Variants in MAMDC2 observed in about 807,000 individuals in gnomAD.
MAMDC2 encodes MAM domain-containing protein 2.
In MAMDC2, 57 loss-of-function variants were observed where a neutral mutation model predicts 89.8. The ratio of observed to expected loss-of-function variants is 0.63; its 90% confidence interval spans 0.51 to 0.79. MAMDC2 has a LOEUF of 0.79. MAMDC2 is among the 30% of genes least tolerant of loss of function. MAMDC2 has a pLI of 0.00. For synonymous variants in MAMDC2, 313 were observed against 293.4 expected (o/e 1.07, Z -0.68); for missense variants, 800 against 820.6 (o/e 0.97, Z 0.31).
chr9:70,178,620 T>C (rs1469288697), intron 11 of MAMDC2, among the ~76,000 whole-genome samples: 7 of 152,220 alleles, frequency 4.6e-5, no homozygotes, highest in Admixed American at 2.6e-4. Context: ...GCTACATGTA[T>C]ATAAGAATTA....
chr9:70,225,712 T>A, intron 12 of MAMDC2, 38 bp from the exon 13 acceptor site: 1 of 1,329,596 alleles, frequency 7.5e-7, no homozygotes, highest in South Asian at 1.2e-5. Flanking sequence ...GTAATCAGGA[T>A]GATTCTATTT....
At chr9:70,097,183 T>C (rs1208483795) in intron 2 of MAMDC2, among the ~76,000 whole-genome samples, 1 of 152,182 alleles carries the variant, frequency 6.6e-6, no homozygotes, top group Non-Finnish European at 1.5e-5. Flanking sequence ...TTCATCAAGA[T>C]CCCTTTATTA....
chr9:70,084,377 C>G (rs368117077), intron 2 of MAMDC2, among the ~76,000 whole-genome samples: 163 of 152,220 alleles, frequency 1.1e-3, no homozygotes, highest in Middle Eastern at 3.4e-3. Flanking sequence ...GTTTACAGCT[C>G]TATCTCCAGG....
chr9:70,209,057 G>A (rs1459865835), intron 11 of MAMDC2, among the ~76,000 whole-genome samples: 16 of 151,994 alleles, frequency 1.1e-4, no homozygotes, highest in African/African-American at 2.7e-4. Context: ...GGATTTTTGC[G>A]TCGATGTTCA....
intron 2 of MAMDC2, among the ~76,000 whole-genome samples, chr9:70,075,886 T>G (rs1306048957): frequency 1.3e-5 from 2 of 152,162 alleles, no homozygotes; most frequent in African/African-American, 4.8e-5. Context: ...AATCACTAAG[T>G]ACTGATGGAG....
At chr9:70,045,165 A>C (rs1826716520) in intron 2 of MAMDC2, among the ~76,000 whole-genome samples, 1 of 152,214 alleles carries the variant, frequency 6.6e-6, no homozygotes, top group Non-Finnish European at 1.5e-5. Flanking sequence ...CTAAGACATC[A>C]CGTCTGCCTT....
chr9:70,044,490 C>T (rs1826689241), intron 1 of MAMDC2, 94 bp from the exon 2 acceptor site: 1 of 1,050,356 alleles, frequency 9.5e-7, no homozygotes. Flanking sequence ...CTCGTCTTTC[C>T]CCCACTTTCA....
At chr9:70,199,367 A>G (rs1296265910) in intron 11 of MAMDC2, among the ~76,000 whole-genome samples, 1 of 147,434 alleles carries the variant, frequency 6.8e-6, no homozygotes, top group African/African-American at 2.5e-5. Flanking sequence ...ATGTCCCTAC[A>G]AAGGACATGA....
At chr9:70,120,379 A>G (rs1305661679) in intron 5 of MAMDC2, among the ~76,000 whole-genome samples, 2 of 152,320 alleles carry the variant, frequency 1.3e-5, no homozygotes, top group East Asian at 3.9e-4. Flanking sequence ...ATGAGGTTAC[A>G]TGGCAGTTTC....
chr9:70,142,250 G>T (rs372103054), intron 8 of MAMDC2, among the ~76,000 whole-genome samples: 4 of 152,136 alleles, frequency 2.6e-5, no homozygotes, highest in Non-Finnish European at 4.4e-5. Flanking sequence ...ATCTGTGAAG[G>T]CCTCGAATTT....
chr9:70,202,369 T>A (rs2033118776), intron 11 of MAMDC2, among the ~76,000 whole-genome samples: 2 of 152,178 alleles, frequency 1.3e-5, no homozygotes, highest in Admixed American at 1.3e-4. Context: ...CGGCTTTGAG[T>A]GGGATTCTTA....
At chr9:70,151,042 G>A (rs2031563794) in intron 9 of MAMDC2, among the ~76,000 whole-genome samples, 3 of 152,180 alleles carry the variant, frequency 2.0e-5, no homozygotes, top group African/African-American at 7.2e-5. Flanking sequence ...CATTCATAGA[G>A]TCCCACAGTC....
At chr9:70,168,303 C>A (rs1359317551) in intron 9 of MAMDC2, among the ~76,000 whole-genome samples, 1 of 152,100 alleles carries the variant, frequency 6.6e-6, no homozygotes, top group African/African-American at 2.4e-5. Flanking sequence ...ACCAGCCTGG[C>A]CAACATGGTG....
chr9:70,144,039 T>C (rs902123790), intron 9 of MAMDC2, among the ~76,000 whole-genome samples: 3 of 152,246 alleles, frequency 2.0e-5, no homozygotes, highest in Non-Finnish European at 4.4e-5. Flanking sequence ...GTTTGCTTTT[T>C]GTTTATCTCT....
chr9:70,055,856 T>G (rs1438842227), intron 2 of MAMDC2, among the ~76,000 whole-genome samples: 6 of 152,222 alleles, frequency 3.9e-5, no homozygotes, highest in Admixed American at 3.9e-4. Context: ...AAACTTCAAG[T>G]TCATCTATTC....
chr9:70,186,755 T>C (rs550912228), intron 11 of MAMDC2, among the ~76,000 whole-genome samples: 2 of 152,332 alleles, frequency 1.3e-5, no homozygotes, highest in South Asian at 4.1e-4. Flanking sequence ...GCTCAGCTTC[T>C]GGTGAAGTCT....
At chr9:70,187,807 C>T (rs190653193) in intron 11 of MAMDC2, among the ~76,000 whole-genome samples, 20 of 152,244 alleles carry the variant, frequency 1.3e-4, no homozygotes, top group Non-Finnish European at 2.5e-4. Flanking sequence ...ATTTGGATTG[C>T]TTTCATTTTT....
intron 6 of MAMDC2, among the ~76,000 whole-genome samples, chr9:70,126,959 T>G (rs571894270): frequency 7.8e-4 from 119 of 152,324 alleles, no homozygotes; most frequent in African/African-American, 2.6e-3. Context: ...TTAAAACTTT[T>G]TCCAGTTATA....
chr9:70,108,137 TTAACTGCAGTTACG>T, intron 2 of MAMDC2, 60 bp from the exon 3 acceptor site: 1 of 1,374,776 alleles, frequency 7.3e-7, no homozygotes, highest in Non-Finnish European at 9.9e-7. Flanking sequence ...AGAGATTTAC[TTAACTGCAGTTACG>T]TATTTTTCCA....
Sources: allele counts gnomAD v4.1 joint callset (sites outside exome capture counted in the v4.1 genomes callset), GRCh38; gene constraint gnomAD v4.1.1; transcripts MANE v1.5; gene names NCBI Gene and HGNC (gene_info 2026-07-23, HGNC 2026-07-21).